RTN3: variants seen among roughly 807,000 people sequenced by gnomAD.
RTN3 encodes reticulon-3.
In RTN3, 49 loss-of-function variants were observed where a neutral mutation model predicts 77.8. The observed-to-expected ratio is 0.63, with a 90% confidence interval of 0.50 to 0.80. The LOEUF is 0.80. Ranked by LOEUF, RTN3 falls within the 30% of genes least tolerant of loss-of-function variation. The pLI is 0.00. For missense variants in RTN3, 1,236 were observed against 1,211.9 expected (o/e 1.02, Z -0.29); for synonymous variants, 464 against 446.9 (o/e 1.04, Z -0.48).
rs759365280 is a variant in RTN3, at chr11:63,719,021, T to C, written c.519T>C (p.Ile173=). 3 of 1,614,130 alleles carry C rather than the reference T, an allele frequency of 1.9e-6. No homozygotes were observed. The highest frequency in any genetic ancestry group is 2.2e-5 in the East Asian group (1 of 44,876). The change falls in exon 3 of 9, where the codon ATT becomes ATC. Residue 173 remains isoleucine, a synonymous_variant. Transcript: ENST00000377819. The part of the protein sequence containing the change: ...PEHPAFLSKK[I]GQVEEQIDKE... ...ATCCTGCTTTTCTCTCAAAGAAAATTGGTCAAGTGGAAGAGCAAATAGATA... is the reference window on the plus strand; with the variant it reads ...ATCCTGCTTTTCTCTCAAAGAAAATCGGTCAAGTGGAAGAGCAAATAGATA...
chr11:63,720,408 G>C lies in RTN3; in HGVS notation c.1906G>C (p.Glu636Gln). 1 of 1,613,906 alleles carries C rather than the reference G, an allele frequency of 6.2e-7. No individual in the cohort carries two copies. Among genetic ancestry groups the C allele is most frequent in the Non-Finnish European group, 8.5e-7 (1 of 1,179,972 alleles). Reference sequence around the variant, plus strand: ...AAATGTGACAACATCTGCCTATTTGGAGTCATTACATGGGAAAAATGTTAA... The same window carrying C: ...AAATGTGACAACATCTGCCTATTTGCAGTCATTACATGGGAAAAATGTTAA... Reference protein sequence around the residue: ...SLNVTTSAYLESLHGKNVKHI... With the variant: ...SLNVTTSAYLQSLHGKNVKHI... Residue 636 changes from glutamate to glutamine, a missense_variant, in exon 3 of 9, where the codon GAG becomes CAG. Glu to Gln is a conservative substitution (Grantham distance 29). Around this residue, in one of 3 missense-constraint regions of RTN3, gnomAD observed 1,056 missense variants for 990.4 expected, o/e 1.07. Coordinates refer to ENST00000377819, the MANE Select transcript of RTN3 (RefSeq NM_001265589.2).
Position 63,735,721 on chromosome 11 carries a change from A to G in RTN3, c.2531-14270A>G, listed in dbSNP as rs80318695. On this transcript the variant is annotated intron_variant, in intron 3 of 8. Coordinates refer to ENST00000377819, the MANE Select transcript of RTN3 (RefSeq NM_001265589.2). ...ATTTTTGTATTTTTAGTAAAGATGG[A>G]GTTTTGCCATGTTGCCCAGGTTGGT... 6.6e-5 allele frequency among the ~76,000 whole-genome samples: 10 copies of G among 151,918 alleles called. No individual in the cohort carries two copies. In the East Asian group the frequency reaches 1.7e-3, roughly 27 times the overall value.
At chr11:63,749,679 C>A (rs1288862342) in intron 3 of RTN3, among the ~76,000 whole-genome samples, 1 of 152,112 alleles carries the variant, frequency 6.6e-6, no homozygotes, top group Non-Finnish European at 1.5e-5. Flanking sequence ...AGCAGAAGAA[C>A]GTTTTGCCTC....
intron 3 of RTN3, among the ~76,000 whole-genome samples, chr11:63,747,375 T>G (rs1434650193): frequency 1.3e-5 from 2 of 152,224 alleles, no homozygotes; most frequent in East Asian, 3.8e-4. Context: ...TAGGCAGTAT[T>G]CTATTAAGTT....
intron 1 of RTN3, among the ~76,000 whole-genome samples, chr11:63,701,910 ACTGGGCAGCAGAG>A (rs1942255574): frequency 2.0e-5 from 3 of 152,210 alleles, no homozygotes; most frequent in Non-Finnish European, 4.4e-5. Flanking sequence ...ATGTCAGTGC[ACTGGGCAGCAGAG>A]TGAAACTTTG....
At chr11:63,729,082 CAAAA>C (rs368868381) in intron 3 of RTN3, among the ~76,000 whole-genome samples, 157 of 150,146 alleles carry the variant, frequency 1.0e-3, no homozygotes, top group East Asian at 8.2e-3. Flanking sequence ...AAAAAAACAA[CAAAA>C]AAAACAAAAA....
chr11:63,751,374 GT>G (rs1048435914), intron 4 of RTN3, among the ~76,000 whole-genome samples: 31 of 152,274 alleles, frequency 2.0e-4, no homozygotes, highest in African/African-American at 6.7e-4. Context: ...TCTCTTACTA[GT>G]TTTCTTAACG....
chr11:63,708,617 A>G (rs1460450666), intron 2 of RTN3, among the ~76,000 whole-genome samples: 2 of 152,192 alleles, frequency 1.3e-5, no homozygotes, highest in Non-Finnish European at 2.9e-5. Flanking sequence ...ATTTTGTGAT[A>G]TTTACTAAGT....
At chr11:63,729,460 G>GTTTT (rs1223266871) in intron 3 of RTN3, among the ~76,000 whole-genome samples, 1 of 49,252 alleles carries the variant, frequency 2.0e-5, no homozygotes. Context: ...TTTTTTTTTT[G>GTTTT]TTTGTTTGAG....
intron 1 of RTN3, among the ~76,000 whole-genome samples, chr11:63,699,216 A>T (rs10897444): frequency 0.28 from 42,765 of 151,708 alleles, 8,021 homozygotes; most frequent in East Asian, 0.79. Context: ...CATGAGAATC[A>T]CTTGAACCTG....
At chr11:63,750,358 T>G (rs1286733943) in intron 4 of RTN3, 160 bp downstream of exon 4, 4 of 638,266 alleles carry the variant, frequency 6.3e-6, no homozygotes, top group Admixed American at 3.0e-5. Context: ...GAAATCACCT[T>G]AAGAAGTGGC....
At position 63,694,179 on chromosome 11, in the gene RTN3, GT is replaced by G. The variant is rs879915605; in HGVS notation, c.143-10660del. ...GTAACCAGTTTATTAATTAATTATG[GT>G]TTTTTTTTTTTCTGAAATGGAATTT... On this transcript the variant is annotated intron_variant, in intron 1 of 8. Coordinates refer to ENST00000377819, the MANE Select transcript of RTN3 (RefSeq NM_001265589.2). 8.4e-4 allele frequency among the ~76,000 whole-genome samples: 122 copies of G among 145,788 alleles called. No homozygotes were observed. The Middle Eastern group carries it at 0.035, about 42-fold the overall frequency.
At position 63,727,035 on chromosome 11, in the gene RTN3, A is replaced by G. The variant is rs565630588; in HGVS notation, c.2530+6003A>G. Among the ~76,000 whole-genome samples, 3 of 152,118 alleles carry G rather than the reference A, an allele frequency of 2.0e-5. No individual in the cohort carries two copies. The East Asian group carries it at 5.8e-4, about 29-fold the overall frequency. ...TGAAACCCCATCTCCACTAAAAAAT[A>G]CAAAATTAAGCCAGGCATGGTGGCC... On this transcript the variant is annotated intron_variant, in intron 3 of 8. Transcript: ENST00000377819.
chr11:63,758,313 A>G lies in RTN3; in HGVS notation c.*112A>G, dbSNP rs374545422. ...AGTGTCAGCTTGAGCCTGCATTCCA[A>G]GCTTTTTTTTTAATTTGGTGTTTTC... On this transcript the variant is annotated 3_prime_UTR_variant, in exon 9 of 9. Coordinates refer to ENST00000377819, the MANE Select transcript of RTN3 (RefSeq NM_001265589.2). 1.2e-6 allele frequency: 2 copies of G among 1,613,048 alleles called. No homozygotes were observed.
At chr11:63,738,727 CTCT>C (rs1226363173) in intron 3 of RTN3, among the ~76,000 whole-genome samples, 1 of 151,786 alleles carries the variant, frequency 6.6e-6, no homozygotes, top group Non-Finnish European at 1.5e-5. Flanking sequence ...ATTTGAACAG[CTCT>C]TCTTTTCTAC....
rs539522053 is a variant in RTN3, at chr11:63,704,160, G to A, written c.143-691G>A. 6.6e-5 allele frequency among the ~76,000 whole-genome samples: 10 copies of A among 151,702 alleles called. No homozygotes were observed. The South Asian group carries it at 1.9e-3, about 28-fold the overall frequency. On this transcript the variant is annotated intron_variant, in intron 1 of 8. Coordinates refer to ENST00000377819, the MANE Select transcript of RTN3 (RefSeq NM_001265589.2). ...TGGGATTACAGGCGTGCACTGCCAC[G>A]CCTGGCTAATTTTTGTATTTTTAGT...
chr11:63,684,334 A>G (rs1331468807), intron 1 of RTN3, among the ~76,000 whole-genome samples: 2 of 151,716 alleles, frequency 1.3e-5, no homozygotes, highest in African/African-American at 4.8e-5. Flanking sequence ...TTTTTAGTAG[A>G]AACAGGGTTT....
intron 3 of RTN3, among the ~76,000 whole-genome samples, chr11:63,748,110 C>T (rs939729869): frequency 5.9e-5 from 9 of 151,302 alleles, no homozygotes; most frequent in Admixed American, 1.3e-4. Flanking sequence ...GTCAGGAGTT[C>T]GAGACCAGCC....
chr11:63,714,006 C>T (rs1487812452), intron 2 of RTN3: 1 of 518,612 alleles, frequency 1.9e-6, no homozygotes, highest in African/African-American at 1.9e-5. Context: ...CTACAAGTGC[C>T]ATACTGACCA....
Sources: gnomAD v4.1 joint callset for allele counts (sites outside exome capture counted in the v4.1 genomes callset) on GRCh38, gnomAD v4.1.1 for gene constraint, gnomAD v4.1.1 regional missense constraint, MANE v1.5 for transcripts, NCBI Gene and HGNC (gene_info 2026-07-23, HGNC 2026-07-21) for gene names.